Variants in FRMPD4 observed in about 807,000 individuals in gnomAD.
FRMPD4 encodes FERM and PDZ domain-containing protein 4.
Under a neutral mutation model 94.1 loss-of-function variants are expected in FRMPD4, and 22 were observed. The observed-to-expected ratio is 0.23, with a 90% CI of 0.17 to 0.33. The LOEUF (loss-of-function observed/expected upper bound fraction) is 0.33, where lower values mean the gene tolerates loss of function less well. Among genes scored for constraint, FRMPD4 ranks in the 10% least tolerant of loss-of-function variants. The probability of loss-of-function intolerance (pLI) is 1.00; values close to 1 mark genes in which losing one functional copy is unlikely to be tolerated. For synonymous variants in FRMPD4, 631 were observed against 548.6 expected (o/e 1.15, Z -2.10); for missense variants, 1,111 against 1,339.9 (o/e 0.83, Z 2.67).
chrX:11,858,227 A>C (rs186351622), intron 1 of FRMPD4, among the ~76,000 whole-genome samples: 2 of 111,782 alleles, frequency 1.8e-5, no homozygotes, highest in South Asian at 3.7e-4. Flanking sequence ...AATATAAATT[A>C]TTCTATTATA....
At chrX:12,104,476 C>T (rs1409137576) in intron 3 of FRMPD4, among the ~76,000 whole-genome samples, 2 of 112,343 alleles carry the variant, frequency 1.8e-5, no homozygotes, top group African/African-American at 3.2e-5. Context: ...TGTTTCAAAA[C>T]TATTTAATAT....
chrX:11,848,058 T>TA (rs1016966341), intron 1 of FRMPD4, among the ~76,000 whole-genome samples: 4 of 108,280 alleles, frequency 3.7e-5, no homozygotes, highest in African/African-American at 6.7e-5. Context: ...AAAAAATAAA[T>TA]AAAAAAAAGA....
intron 3 of FRMPD4, among the ~76,000 whole-genome samples, chrX:12,066,877 G>T (rs59397929): frequency 0.064 from 6,244 of 96,859 alleles, 239 homozygotes; most frequent in East Asian, 0.19. Flanking sequence ...TTTTGTTTTT[G>T]TTTTTTTTTT....
intron 1 of FRMPD4, among the ~76,000 whole-genome samples, chrX:12,471,486 T>C (rs1328964393): frequency 8.9e-6 from 1 of 111,782 alleles, no homozygotes; most frequent in Admixed American, 9.5e-5. Context: ...CGTGACTGGA[T>C]ACTTGGGACA....
intron 1 of FRMPD4, among the ~76,000 whole-genome samples, chrX:12,425,296 T>C (rs1444443994): frequency 1.8e-5 from 2 of 112,025 alleles, no homozygotes; most frequent in Non-Finnish European, 3.8e-5. Flanking sequence ...TTATCAGAAA[T>C]TGCCAGCCAA....
chrX:12,479,459 T>C (rs2057653025), intron 1 of FRMPD4, among the ~76,000 whole-genome samples: 1 of 75,089 alleles, frequency 1.3e-5, no homozygotes, highest in African/African-American at 4.7e-5. Context: ...TATATATGTA[T>C]ATATGTATAT....
At position 12,012,646 on chromosome X, in the gene FRMPD4, A is replaced by G. The variant is rs2054586842; in HGVS notation, c.95+134628A>G. Among the ~76,000 whole-genome samples, 3 of 112,382 alleles carry G rather than the reference A, an allele frequency of 2.7e-5. No individual in the cohort carries two copies. In the South Asian group the frequency reaches 1.1e-3, roughly 42 times the overall value. ...GTAAATGGATGGATTAGGCAAATCC[A>G]TGGCATCTATGTTAAGGCTATTGCT... On this transcript the variant is annotated intron_variant, in intron 3 of 18. Transcript: ENST00000640291.
At chrX:12,490,592 C>T (rs2057783380) in intron 1 of FRMPD4, among the ~76,000 whole-genome samples, 1 of 111,744 alleles carries the variant, frequency 8.9e-6, no homozygotes, top group African/African-American at 3.3e-5. Flanking sequence ...TCACCTATGT[C>T]ATACAGTCCT....
At chrX:12,714,853 T>C (rs936056286) in intron 14 of FRMPD4, among the ~76,000 whole-genome samples, 1 of 112,309 alleles carries the variant, frequency 8.9e-6, no homozygotes, top group Non-Finnish European at 1.9e-5. Context: ...TATGGTAAGA[T>C]GCAAATATGG....
At chrX:12,714,779 C>A (rs1405239661) in intron 14 of FRMPD4, among the ~76,000 whole-genome samples, 1 of 111,986 alleles carries the variant, frequency 8.9e-6, no homozygotes, top group Admixed American at 9.5e-5. Context: ...CACACGCACA[C>A]CCAGTCATAA....
intron 3 of FRMPD4, among the ~76,000 whole-genome samples, chrX:11,900,836 A>C (rs1478280216): frequency 2.7e-5 from 3 of 110,857 alleles, no homozygotes; most frequent in Non-Finnish European, 5.7e-5. Flanking sequence ...TTTCTTTAAC[A>C]CCACATAAAG....
chrX:12,618,946 TC>T (rs2059262447), intron 4 of FRMPD4, among the ~76,000 whole-genome samples: 1 of 111,350 alleles, frequency 9.0e-6, no homozygotes, highest in Admixed American at 9.5e-5. Flanking sequence ...CCTCCCCTTC[TC>T]CCCCTTCCTC....
At chrX:12,614,449 A>G (rs62590580) in intron 3 of FRMPD4, among the ~76,000 whole-genome samples, 28,151 of 109,551 alleles carry the variant, frequency 0.26, 3,706 homozygotes, top group Non-Finnish European at 0.39. Context: ...GCTTGTGAGA[A>G]CTGCATTATC....
chrX:12,521,905 AAGAT>A (rs1858510176), intron 2 of FRMPD4, among the ~76,000 whole-genome samples: 2 of 47,333 alleles, frequency 4.2e-5, no homozygotes, highest in African/African-American at 1.3e-4. Flanking sequence ...TTTCTGAAGA[AAGAT>A]AAAAAAAAAA....
chrX:12,321,459 G>A (rs750112052), intron 1 of FRMPD4, among the ~76,000 whole-genome samples: 2 of 111,899 alleles, frequency 1.8e-5, no homozygotes, highest in Non-Finnish European at 3.8e-5. Context: ...AATTACATGA[G>A]ATATTCAACA....
chrX:12,340,420 A>G (rs985647640), intron 1 of FRMPD4, among the ~76,000 whole-genome samples: 7 of 111,726 alleles, frequency 6.3e-5, no homozygotes, highest in African/African-American at 2.3e-4. Flanking sequence ...GTTGGTTCCT[A>G]TTTTGGGGGA....
intron 3 of FRMPD4, among the ~76,000 whole-genome samples, chrX:11,932,523 AAATAAC>A (rs1316717436): frequency 9.0e-6 from 1 of 111,048 alleles, no homozygotes; most frequent in African/African-American, 3.3e-5. Context: ...TTCTGAGGGA[AAATAAC>A]AATAACTTTT....
At position 12,533,390 on chromosome X, in the gene FRMPD4, T is replaced by C. The variant is rs565797952; in HGVS notation, c.158+34594T>C. Among the ~76,000 whole-genome samples the C allele has an allele frequency of 5.4e-5, 6 of 111,921 alleles. No homozygotes were observed. In the South Asian group the frequency reaches 1.5e-3, roughly 28 times the overall value. On this transcript the variant is annotated intron_variant, in intron 2 of 16. Transcript: ENST00000675598. ...CGTGAAAATGGACTAATACAGTAAA[T>C]TGGTACCAGGAGAGTGGGGCACTGC...
At chrX:12,204,833 C>T (rs2056672676) in intron 1 of FRMPD4, among the ~76,000 whole-genome samples, 1 of 111,261 alleles carries the variant, frequency 9.0e-6, no homozygotes, top group Admixed American at 9.6e-5. Flanking sequence ...TGCTATTCTC[C>T]CCAGATCCCT....
Sources: allele counts gnomAD v4.1 joint callset (sites outside exome capture counted in the v4.1 genomes callset), GRCh38; gene constraint gnomAD v4.1.1; transcripts MANE v1.5; gene names NCBI Gene and HGNC (gene_info 2026-07-23, HGNC 2026-07-21).